ESRRG: variants seen among roughly 807,000 people sequenced by gnomAD.
ESRRG encodes estrogen related receptor gamma.
ESRRG carries 13 observed loss-of-function variants against 44.0 expected under a neutral mutation model. The observed-to-expected ratio is 0.30, with a 90% CI of 0.19 to 0.47. The LOEUF (loss-of-function observed/expected upper bound fraction) is 0.47. ESRRG is among the 20% of genes least tolerant of loss of function. The probability of loss-of-function intolerance (pLI) is 1.00; values close to 1 mark genes in which losing one functional copy is unlikely to be tolerated. For missense variants in ESRRG, 395 were observed against 580.6 expected, an observed-to-expected ratio of 0.68 and a Z score of 3.29; for synonymous variants, 215 against 214.6, an observed-to-expected ratio of 1.00 and a Z score of -0.02.
At chr1:217,130,901 T>A (rs1259901895) in intron 1 of ESRRG, among the ~76,000 whole-genome samples, 3 of 152,012 alleles carry the variant, frequency 2.0e-5, no homozygotes, top group South Asian at 2.1e-4. Flanking sequence ...GTCTTTTTTT[T>A]AACTATTAAG....
intron 1 of ESRRG, among the ~76,000 whole-genome samples, chr1:216,975,636 C>T (rs908894974): frequency 5.3e-5 from 8 of 152,180 alleles, no homozygotes; most frequent in Non-Finnish European, 1.0e-4. Context: ...ATATTCAATT[C>T]TCAACCTTTA....
intron 1 of ESRRG, among the ~76,000 whole-genome samples, chr1:216,710,920 G>A (rs759691218): frequency 6.6e-6 from 1 of 152,228 alleles, no homozygotes; most frequent in South Asian, 2.1e-4. Context: ...AAGACTGACA[G>A]TGGGACCAGG....
chr1:216,942,489 A>C (rs2065409165), intron 1 of ESRRG, among the ~76,000 whole-genome samples: 1 of 152,138 alleles, frequency 6.6e-6, no homozygotes, highest in Non-Finnish European at 1.5e-5. Context: ...GAAACCTCCA[A>C]ACTGCTTTCC....
intron 2 of ESRRG, among the ~76,000 whole-genome samples, chr1:216,915,829 G>A (rs189485997): frequency 3.3e-5 from 5 of 152,190 alleles, no homozygotes; most frequent in African/African-American, 4.8e-5. Flanking sequence ...GTATCACAGC[G>A]TCCTTCTTCA....
At chr1:217,020,028 C>T (rs939446451) in intron 1 of ESRRG, among the ~76,000 whole-genome samples, 2 of 152,124 alleles carry the variant, frequency 1.3e-5, no homozygotes, top group African/African-American at 2.4e-5. Context: ...ATACTACTTG[C>T]CATGGACCTT....
chr1:216,795,067 C>T lies in ESRRG; in HGVS notation c.-13-117576G>A, dbSNP rs138975860. 7.9e-5 allele frequency among the ~76,000 whole-genome samples: 12 copies of T among 152,170 alleles called. No homozygotes were observed. The East Asian group carries it at 2.3e-3, about 29-fold the overall frequency. ...CTGAATGGGGTGGTACAAAAAAGGG[C>T]CTCAGGTTCAGTTAATTTCCATTCC... On this transcript the variant is annotated intron_variant, in intron 2 of 7. Coordinates refer to the ESRRG transcript ENST00000359162.
At chr1:216,852,122 G>C (rs1310377873) in intron 2 of ESRRG, among the ~76,000 whole-genome samples, 1 of 152,150 alleles carries the variant, frequency 6.6e-6, no homozygotes, top group Admixed American at 6.5e-5. Context: ...GGTTGTTTAG[G>C]CTTGGTTTAT....
chr1:216,645,585 C>T (rs185934372), intron 3 of ESRRG, among the ~76,000 whole-genome samples: 6 of 152,090 alleles, frequency 3.9e-5, no homozygotes, highest in South Asian at 2.1e-4. Context: ...AAAACTAAAG[C>T]GTAGGCCCAG....
chr1:216,859,959 A>G (rs1289124117), intron 2 of ESRRG, among the ~76,000 whole-genome samples: 1 of 152,286 alleles, frequency 6.6e-6, no homozygotes, highest in Non-Finnish European at 1.5e-5. Flanking sequence ...AAAGTGACCC[A>G]GATGTTAGAA....
chr1:216,922,459 T>TG (rs899844813), intron 2 of ESRRG, among the ~76,000 whole-genome samples: 6 of 152,096 alleles, frequency 3.9e-5, no homozygotes, highest in African/African-American at 1.4e-4. Flanking sequence ...TATTTGTCCA[T>TG]GGGGGCAAGT....
Position 216,503,341 on chromosome 1 carries a change from G to C in ESRRG, c.*3598C>G, listed in dbSNP as rs1001684356. The C allele has an allele frequency of 6.6e-6, 1 of 152,332 alleles. No individual in the cohort carries two copies. The highest frequency in any genetic ancestry group is 1.5e-5 in the Non-Finnish European group (1 of 67,980). 9.4% of individuals were successfully genotyped at this position (152,332 alleles called of 1,614,324 possible). ...CACATCTGAACTGATTGGAGTTACA[G>C]AATCATATCTCCTTTTTGCATTTAA... On this transcript the variant is annotated 3_prime_UTR_variant, in exon 7 of 7. Transcript: ENST00000408911.
At chr1:216,548,753 G>A (rs527648903) in intron 5 of ESRRG, among the ~76,000 whole-genome samples, 57 of 152,046 alleles carry the variant, frequency 3.7e-4, no homozygotes, top group South Asian at 1.5e-3. Context: ...TTGCTCGTCC[G>A]TATTCCCCAA....
At chr1:216,711,893 C>T (rs1161784118) in intron 1 of ESRRG, among the ~76,000 whole-genome samples, 1 of 152,114 alleles carries the variant, frequency 6.6e-6, no homozygotes, top group Non-Finnish European at 1.5e-5. Context: ...TGTGTTGAAT[C>T]ATATGAAATT....
At chr1:217,015,324 C>A (rs1229981540) in intron 1 of ESRRG, among the ~76,000 whole-genome samples, 1 of 152,180 alleles carries the variant, frequency 6.6e-6, no homozygotes, top group Non-Finnish European at 1.5e-5. Flanking sequence ...GGGCCATCAT[C>A]CAGACACTGC....
chr1:216,702,813 T>A (rs1042610827), intron 1 of ESRRG, among the ~76,000 whole-genome samples: 24 of 150,036 alleles, frequency 1.6e-4, no homozygotes, highest in African/African-American at 5.4e-4. Flanking sequence ...CAGGCAAAGT[T>A]GACTCAAGCA....
intron 1 of ESRRG, among the ~76,000 whole-genome samples, chr1:217,052,116 T>C (rs1389432811): frequency 6.6e-6 from 1 of 152,122 alleles, no homozygotes; most frequent in African/African-American, 2.4e-5. Context: ...AAAATAAGAA[T>C]GGCAAGAGCA....
chr1:216,612,259 A>G (rs935906924), intron 3 of ESRRG, among the ~76,000 whole-genome samples: 1 of 152,056 alleles, frequency 6.6e-6, no homozygotes, highest in African/African-American at 2.4e-5. Context: ...GAGAAGGAAA[A>G]GGATGAATTC....
intron 2 of ESRRG, among the ~76,000 whole-genome samples, chr1:216,905,233 C>T (rs1268172889): frequency 1.3e-5 from 2 of 152,136 alleles, no homozygotes; most frequent in South Asian, 2.1e-4. Flanking sequence ...TGAATGCAAT[C>T]GGGTCTCAGC....
chr1:217,086,952 T>A (rs73101278), intron 1 of ESRRG, among the ~76,000 whole-genome samples: 8,893 of 152,218 alleles, frequency 0.058, 768 homozygotes, highest in African/African-American at 0.19. Flanking sequence ...GCTACTTGTA[T>A]TGACACATCT....
Sources: gnomAD v4.1 joint callset for allele counts (sites outside exome capture counted in the v4.1 genomes callset) on GRCh38, gnomAD v4.1.1 for gene constraint, MANE v1.5 for transcripts, NCBI Gene and HGNC (gene_info 2026-07-23, HGNC 2026-07-21) for gene names.